PTPRM: variants seen among roughly 807,000 people sequenced by gnomAD.
PTPRM encodes the protein receptor-type tyrosine-protein phosphatase mu.
PTPRM carries 47 observed loss-of-function variants against 186.7 expected under a neutral mutation model. That is an observed-to-expected ratio of 0.25 (90% CI 0.20 to 0.32). The LOEUF is 0.32. PTPRM is among the 10% of genes least tolerant of loss of function. The probability of loss-of-function intolerance (pLI) is 1.00; values close to 1 mark genes in which losing one functional copy is unlikely to be tolerated. For missense variants in PTPRM, 1,494 were observed against 1,865.0 expected, an observed-to-expected ratio of 0.80 and a Z score of 3.66; for synonymous variants, 668 against 674.9, an observed-to-expected ratio of 0.99 and a Z score of 0.16.
chr18:7,791,009 C>T (rs1030378064), intron 2 of PTPRM, among the ~76,000 whole-genome samples: 52 of 151,868 alleles, frequency 3.4e-4, no homozygotes, highest in African/African-American at 1.2e-3. Context: ...GGTAGTTTGT[C>T]ATGTTTATTT....
intron 3 of PTPRM, among the ~76,000 whole-genome samples, chr18:7,891,463 T>C (rs2049076190): frequency 6.6e-6 from 1 of 152,118 alleles, no homozygotes; most frequent in Non-Finnish European, 1.5e-5. Flanking sequence ...AAGGAAAATA[T>C]CTTTTTAATA....
chr18:7,660,854 C>G (rs1455756495), intron 1 of PTPRM, among the ~76,000 whole-genome samples: 1 of 151,942 alleles, frequency 6.6e-6, no homozygotes, highest in Non-Finnish European at 1.5e-5. Flanking sequence ...GCCTGTAGTC[C>G]CAGCTACTCA....
intron 7 of PTPRM, among the ~76,000 whole-genome samples, chr18:8,036,715 T>C (rs2086355085): frequency 6.6e-6 from 1 of 152,196 alleles, no homozygotes. Context: ...TCAGGCACTC[T>C]CTGACTTCTG....
chr18:7,934,762 T>C (rs2051698755), intron 5 of PTPRM, among the ~76,000 whole-genome samples: 1 of 152,216 alleles, frequency 6.6e-6, no homozygotes, highest in Non-Finnish European at 1.5e-5. Flanking sequence ...TTTAATGACT[T>C]TTCCAATGGT....
intron 23 of PTPRM, among the ~76,000 whole-genome samples, chr18:8,363,582 A>G (rs2095609906): frequency 6.6e-6 from 1 of 152,174 alleles, no homozygotes; most frequent in African/African-American, 2.4e-5. Context: ...GTAGTATGTG[A>G]CACTCTCTGT....
At chr18:7,639,356 C>A (rs190176860) in intron 1 of PTPRM, among the ~76,000 whole-genome samples, 4 of 150,798 alleles carry the variant, frequency 2.7e-5, no homozygotes, top group Non-Finnish European at 5.9e-5. Context: ...AGGCGTGAGC[C>A]ACCGCACCCA....
chr18:8,236,450 C>T (rs1173202876), intron 14 of PTPRM, among the ~76,000 whole-genome samples: 3 of 152,072 alleles, frequency 2.0e-5, no homozygotes, highest in Non-Finnish European at 4.4e-5. Context: ...TACTTTTAAT[C>T]TATGTGTCTT....
chr18:8,050,432 GTATGAATATGAA>G lies in PTPRM; in HGVS notation c.1133-19244_1133-19233del, dbSNP rs199719015. ...GAACCTTGGAGAAAATGTAGTTTAA[GTATGAATATGAA>G]TATGAATATTGAACTCTGATTAGTG... On this transcript the variant is annotated intron_variant, in intron 7 of 32. Coordinates refer to ENST00000580170, the MANE Select transcript of PTPRM (RefSeq NM_001105244.2). 9.5e-3 allele frequency among the ~76,000 whole-genome samples: 1,442 copies of G among 151,906 alleles called. 25 individuals are homozygous for G. Among genetic ancestry groups the G allele is most frequent in the African/African-American group, 0.032 (1,333 of 41,416 alleles).
chr18:7,767,930 G>T (rs2042088930), intron 1 of PTPRM, among the ~76,000 whole-genome samples: 1 of 152,138 alleles, frequency 6.6e-6, no homozygotes, highest in East Asian at 1.9e-4. Flanking sequence ...TTGTTCAGAT[G>T]TTTATTATGC....
chr18:7,798,908 A>G (rs1372348278), intron 2 of PTPRM, among the ~76,000 whole-genome samples: 1 of 152,170 alleles, frequency 6.6e-6, no homozygotes, highest in Admixed American at 6.5e-5. Flanking sequence ...ATTCTGTTCC[A>G]TTGCTTAATT....
chr18:8,086,085 A>G (rs1334115646), intron 10 of PTPRM, among the ~76,000 whole-genome samples: 3 of 152,140 alleles, frequency 2.0e-5, no homozygotes, highest in Admixed American at 6.6e-5. Context: ...GGAAGTGGCT[A>G]TTGTTTTAGC....
intron 32 of PTPRM, among the ~76,000 whole-genome samples, chr18:8,395,891 T>G (rs1174944145): frequency 6.6e-6 from 1 of 152,228 alleles, no homozygotes; most frequent in Non-Finnish European, 1.5e-5. Flanking sequence ...TTTAGTTTTG[T>G]AAACTAGGGA....
intron 1 of PTPRM, among the ~76,000 whole-genome samples, chr18:7,664,400 A>G (rs1408201893): frequency 2.6e-5 from 4 of 152,244 alleles, no homozygotes; most frequent in Non-Finnish European, 5.9e-5. Flanking sequence ...ACCACAGAGC[A>G]TTAAACATTG....
rs548634350 is a variant in PTPRM, at chr18:7,848,590, G to A, written c.197-39516G>A. On this transcript the variant is annotated intron_variant, in intron 2 of 32. Coordinates refer to ENST00000580170, the MANE Select transcript of PTPRM (RefSeq NM_001105244.2). ...AATTTGAGACCAGACTGTGCAACAC[G>A]GTGAAACCCTGTCTCTACTTAAAAA... Among the ~76,000 whole-genome samples, 11 of 152,018 alleles carry A rather than the reference G, an allele frequency of 7.2e-5. No homozygotes were observed. The South Asian group carries it at 2.3e-3, about 32-fold the overall frequency.
At chr18:7,603,516 G>T (rs1328424255) in intron 1 of PTPRM, among the ~76,000 whole-genome samples, 1 of 152,176 alleles carries the variant, frequency 6.6e-6, no homozygotes, top group Admixed American at 6.5e-5. Context: ...ATCCATGTGA[G>T]GCCAGATGTG....
At chr18:8,190,918 G>A (rs1221697306) in intron 14 of PTPRM, among the ~76,000 whole-genome samples, 1 of 152,162 alleles carries the variant, frequency 6.6e-6, no homozygotes, top group Middle Eastern at 3.2e-3. Context: ...AGTGAATGTT[G>A]GTGGGATAGG....
chr18:7,713,454 G>A (rs1241006972), intron 1 of PTPRM, among the ~76,000 whole-genome samples: 3 of 152,034 alleles, frequency 2.0e-5, no homozygotes, highest in Non-Finnish European at 4.4e-5. Flanking sequence ...TGAAGAAACT[G>A]CATCAACTAA....
intron 1 of PTPRM, among the ~76,000 whole-genome samples, chr18:7,763,084 G>C (rs1598571202): frequency 6.6e-6 from 1 of 152,296 alleles, no homozygotes; most frequent in East Asian, 1.9e-4. Flanking sequence ...TTGGGTGGGA[G>C]ACCAGCATAA....
At chr18:8,405,428 C>G (rs868411609) in intron 32 of PTPRM, among the ~76,000 whole-genome samples, 5 of 152,174 alleles carry the variant, frequency 3.3e-5, no homozygotes, top group Admixed American at 2.6e-4. Flanking sequence ...AAGGCTGCCT[C>G]CACTCCACGC....
Sources: allele counts gnomAD v4.1 joint callset (sites outside exome capture counted in the v4.1 genomes callset), GRCh38; gene constraint gnomAD v4.1.1; transcripts MANE v1.5; gene names NCBI Gene and HGNC (gene_info 2026-07-23, HGNC 2026-07-21).